Variants in CADM2 observed in about 807,000 individuals in gnomAD.
CADM2 encodes cell adhesion molecule 2, also known as immunoglobulin superfamily member 4D.
CADM2 carries 12 observed loss-of-function variants against 49.8 expected under a neutral mutation model. That is an observed-to-expected ratio of 0.24 (90% CI 0.15 to 0.39). The LOEUF is 0.39. Ranked by LOEUF, CADM2 falls within the 10% of genes least tolerant of loss-of-function variation. CADM2 has a pLI of 1.00. For missense variants in CADM2, 378 were observed against 492.3 expected, an observed-to-expected ratio of 0.77 and a Z score of 2.20; for synonymous variants, 214 against 175.4, an observed-to-expected ratio of 1.22 and a Z score of -1.74.
At chr3:85,436,336 G>T (rs989793462) in intron 1 of CADM2, among the ~76,000 whole-genome samples, 1 of 152,080 alleles carries the variant, frequency 6.6e-6, no homozygotes, top group Non-Finnish European at 1.5e-5. Flanking sequence ...AGACGATGGG[G>T]TTTTCTAAAT....
At chr3:86,044,076 A>G (rs1736319634) in intron 8 of CADM2, among the ~76,000 whole-genome samples, 1 of 152,218 alleles carries the variant, frequency 6.6e-6, no homozygotes, top group Non-Finnish European at 1.5e-5. Context: ...TGGATTAAAG[A>G]CTTACATGTT....
chr3:85,827,343 T>C (rs2073965252), intron 3 of CADM2, among the ~76,000 whole-genome samples: 1 of 151,948 alleles, frequency 6.6e-6, no homozygotes, highest in South Asian at 2.1e-4. Context: ...GCTGTCAAAA[T>C]TCGTATACAT....
In CADM2 at chr3:85,660,910, AC is replaced by A. The variant is rs1174295448; in HGVS notation, c.62-65611del. On this transcript the variant is annotated intron_variant, in intron 1 of 9. Transcript: ENST00000383699. ...TTCGATTATTATAAACTATAATCAA[AC>A]TAAAAAAAAAAAAAACAGAAGCACG... 1.4e-4 allele frequency among the ~76,000 whole-genome samples: 20 copies of A among 144,850 alleles called. 1 individual carries two copies. Among genetic ancestry groups the A allele is most frequent in the African/African-American group, 5.0e-4 (20 of 40,096 alleles).
intron 1 of CADM2, among the ~76,000 whole-genome samples, chr3:85,563,394 G>T (rs1450805323): frequency 8.2e-6 from 1 of 121,266 alleles, no homozygotes; most frequent in Non-Finnish European, 1.9e-5. Context: ...CAAAAACAGG[G>T]AATTTTTGTG....
chr3:85,121,078 T>G (rs1219038611), intron 1 of CADM2, among the ~76,000 whole-genome samples: 2 of 152,178 alleles, frequency 1.3e-5, no homozygotes, highest in East Asian at 1.9e-4. Flanking sequence ...GCCTTGATTA[T>G]GTCTTCAGGC....
intron 1 of CADM2, among the ~76,000 whole-genome samples, chr3:85,215,861 T>C (rs11127883): frequency 0.23 from 34,492 of 151,904 alleles, 6,558 homozygotes; most frequent in African/African-American, 0.53. Flanking sequence ...CACTGAGTTG[T>C]GCTGCAAAAT....
chr3:85,473,341 C>T (rs1576618733), intron 1 of CADM2, among the ~76,000 whole-genome samples: 1 of 151,938 alleles, frequency 6.6e-6, no homozygotes, highest in African/African-American at 2.4e-5. Flanking sequence ...ATAAAATATG[C>T]CTTTACTCTT....
chr3:85,764,082 A>G (rs558101602), intron 2 of CADM2, among the ~76,000 whole-genome samples: 1 of 152,290 alleles, frequency 6.6e-6, no homozygotes, highest in East Asian at 1.9e-4. Flanking sequence ...TATATGTACT[A>G]TCGTAGTGTT....
At chr3:85,633,000 T>C (rs969066002) in intron 1 of CADM2, among the ~76,000 whole-genome samples, 15 of 152,186 alleles carry the variant, frequency 9.9e-5, no homozygotes, top group African/African-American at 3.6e-4. Flanking sequence ...TCACGATGCT[T>C]AGAAAACCTA....
chr3:85,020,936 C>T (rs901662337), intron 1 of CADM2, among the ~76,000 whole-genome samples: 1 of 151,808 alleles, frequency 6.6e-6, no homozygotes, highest in Non-Finnish European at 1.5e-5. Context: ...TATTATATGG[C>T]ATTAATTTTT....
chr3:85,361,972 G>A (rs1008179221), intron 1 of CADM2, among the ~76,000 whole-genome samples: 2 of 152,160 alleles, frequency 1.3e-5, no homozygotes, highest in African/African-American at 2.4e-5. Context: ...GATAAAGAGT[G>A]GATTTCAGTT....
At chr3:85,422,053 A>G (rs2036196149) in intron 1 of CADM2, among the ~76,000 whole-genome samples, 1 of 152,228 alleles carries the variant, frequency 6.6e-6, no homozygotes, top group Non-Finnish European at 1.5e-5. Flanking sequence ...ATTTGTGTGT[A>G]CATATATATT....
intron 8 of CADM2, among the ~76,000 whole-genome samples, chr3:86,063,396 G>C (rs532626801): frequency 6.6e-6 from 1 of 152,156 alleles, no homozygotes; most frequent in Non-Finnish European, 1.5e-5. Flanking sequence ...AAACATGCCA[G>C]GCTGGCATTA....
intron 1 of CADM2, among the ~76,000 whole-genome samples, chr3:85,564,641 G>T (rs1246231544): frequency 6.6e-6 from 1 of 151,954 alleles, no homozygotes; most frequent in Non-Finnish European, 1.5e-5. Flanking sequence ...GGAATTACTA[G>T]AAATAATTTT....
intron 1 of CADM2, among the ~76,000 whole-genome samples, chr3:85,577,122 T>C (rs2062653388): frequency 1.3e-5 from 2 of 152,108 alleles, no homozygotes; most frequent in South Asian, 2.1e-4. Context: ...TGATTCTCTA[T>C]TTTTTTTCTT....
intron 1 of CADM2, among the ~76,000 whole-genome samples, chr3:85,098,898 C>T (rs2107539831): frequency 6.6e-6 from 1 of 152,288 alleles, no homozygotes; most frequent in Middle Eastern, 3.4e-3. Context: ...GAAACAGTTT[C>T]CTACACACTG....
chr3:85,309,360 A>C (rs934890093), intron 1 of CADM2, among the ~76,000 whole-genome samples: 2 of 152,126 alleles, frequency 1.3e-5, no homozygotes, highest in African/African-American at 2.4e-5. Flanking sequence ...ATCCGGAGGC[A>C]GGTTGTTTGG....
intron 1 of CADM2, among the ~76,000 whole-genome samples, chr3:85,148,400 AC>A (rs1304850774): frequency 1.3e-5 from 2 of 152,204 alleles, no homozygotes; most frequent in Non-Finnish European, 2.9e-5. Context: ...CTTTCCAGTT[AC>A]CTTATGTGTA....
At chr3:85,438,561 G>C (rs1467518216) in intron 1 of CADM2, among the ~76,000 whole-genome samples, 1 of 152,084 alleles carries the variant, frequency 6.6e-6, no homozygotes, top group African/African-American at 2.4e-5. Context: ...GTGAAATAAA[G>C]TATTTAAACA....
Sources: allele counts gnomAD v4.1 joint callset (sites outside exome capture counted in the v4.1 genomes callset), GRCh38; gene constraint gnomAD v4.1.1; transcripts MANE v1.5; gene names NCBI Gene and HGNC (gene_info 2026-07-23, HGNC 2026-07-21).